Variants in CMIP observed in about 807,000 individuals in gnomAD.
The protein encoded by CMIP is C-Maf-inducing protein.
CMIP carries 13 observed loss-of-function variants against 97.3 expected under a neutral mutation model. The observed-to-expected ratio is 0.13, with a 90% CI of 0.09 to 0.21. The LOEUF (loss-of-function observed/expected upper bound fraction) is 0.21. CMIP is among the 10% of genes least tolerant of loss of function. The pLI is 1.00. For missense variants in CMIP, 847 were observed against 1,024.9 expected (o/e 0.83, Z 2.37); for synonymous variants, 538 against 436.3 (o/e 1.23, Z -2.91).
In CMIP at chr16:81,531,755, T is replaced by C. The variant is rs189785400; in HGVS notation, c.301-75812T>C. 1.2e-3 allele frequency among the ~76,000 whole-genome samples: 177 copies of C among 152,330 alleles called. 1 individual carries two copies. The highest frequency in any genetic ancestry group is 4.1e-3 in the African/African-American group (172 of 41,572). On this transcript the variant is annotated intron_variant, in intron 1 of 20. Coordinates refer to ENST00000537098, the MANE Select transcript of CMIP (RefSeq NM_198390.3). The stretch of plus-strand genomic sequence containing the variant: ...AGAGGTCAACCCGTGTGTCATGGCT[T>C]TTCCCAGACTGGCTGATTCAAACCA...
intron 1 of CMIP, among the ~76,000 whole-genome samples, chr16:81,455,288 G>T (rs11865203): frequency 0.31 from 46,684 of 152,090 alleles, 7,609 homozygotes; most frequent in East Asian, 0.39. Flanking sequence ...CTTGCCAGGG[G>T]CTATGCTATG....
intron 1 of CMIP, among the ~76,000 whole-genome samples, chr16:81,566,786 G>T (rs983883413): frequency 6.6e-6 from 1 of 152,184 alleles, no homozygotes; most frequent in South Asian, 2.1e-4. Context: ...TAAACCAATT[G>T]TGGCATAGTT....
intron 1 of CMIP, among the ~76,000 whole-genome samples, chr16:81,589,917 C>T (rs1008706731): frequency 1.3e-5 from 2 of 152,202 alleles, no homozygotes; most frequent in African/African-American, 2.4e-5. Context: ...GATAGGCCGG[C>T]GTCAGCCCTG....
chr16:81,622,439 G>A (rs1044589222), intron 3 of CMIP, among the ~76,000 whole-genome samples: 3 of 152,110 alleles, frequency 2.0e-5, no homozygotes, highest in Non-Finnish European at 2.9e-5. Flanking sequence ...CGGGACATTC[G>A]TCAGCACCTA....
At position 81,507,066 on chromosome 16, in the gene CMIP, C is replaced by T. The variant is rs2089723117; in HGVS notation, c.300+61525C>T. 2.0e-5 allele frequency among the ~76,000 whole-genome samples: 3 copies of T among 152,114 alleles called. No homozygotes were observed. The South Asian group carries it at 6.2e-4, about 32-fold the overall frequency. ...AGGAGATCGAGACCATCCTGGCTAA[C>T]ATGGTGAAACCTCATCTGTACTAAA... On this transcript the variant is annotated intron_variant, in intron 1 of 20. Coordinates refer to ENST00000537098, the MANE Select transcript of CMIP (RefSeq NM_198390.3).
chr16:81,569,423 C>G (rs1349078603), intron 1 of CMIP, among the ~76,000 whole-genome samples: 1 of 152,198 alleles, frequency 6.6e-6, no homozygotes, highest in Admixed American at 6.5e-5. Context: ...TTATTTTCCA[C>G]CACTGTTTGG....
At chr16:81,528,254 G>A (rs984440023) in intron 1 of CMIP, among the ~76,000 whole-genome samples, 7 of 152,074 alleles carry the variant, frequency 4.6e-5, no homozygotes, top group East Asian at 3.8e-4. Flanking sequence ...TGAAATTGGC[G>A]CTTGTCTGGT....
At chr16:81,532,301 G>T (rs909029990) in intron 1 of CMIP, among the ~76,000 whole-genome samples, 18 of 152,266 alleles carry the variant, frequency 1.2e-4, no homozygotes, top group Non-Finnish European at 2.6e-4. Context: ...GTAGAAGTGT[G>T]TGTGCACCTG....
At chr16:81,693,258 C>G (rs2288011) in intron 12 of CMIP, 74 bp downstream of exon 12, 574,502 of 1,449,750 alleles carry the variant, frequency 0.4, 117,451 homozygotes, top group African/African-American at 0.51. Flanking sequence ...CCTCCGTGGC[C>G]CATGCATTCT....
chr16:81,696,804 G>C, intron 14 of CMIP, 137 bp downstream of exon 14: 1 of 670,274 alleles, frequency 1.5e-6, no homozygotes, highest in Non-Finnish European at 2.4e-6. Context: ...TCATGAAGGT[G>C]GTGGTGGTGG....
intron 10 of CMIP, among the ~76,000 whole-genome samples, chr16:81,680,349 G>T (rs1191400636): frequency 6.6e-6 from 1 of 152,232 alleles, no homozygotes; most frequent in Non-Finnish European, 1.5e-5. Flanking sequence ...TGGAGAAATG[G>T]CTGGGAGGCA....
intron 1 of CMIP, among the ~76,000 whole-genome samples, chr16:81,540,410 C>T (rs1240408133): frequency 1.3e-5 from 2 of 152,198 alleles, no homozygotes; most frequent in Admixed American, 6.5e-5. Flanking sequence ...TCAAGTGATT[C>T]TCCTGCCTCA....
intron 1 of CMIP, among the ~76,000 whole-genome samples, chr16:81,537,944 C>T (rs1186331101): frequency 1.3e-5 from 2 of 152,080 alleles, no homozygotes; most frequent in South Asian, 2.1e-4. Context: ...GAGTCTTGGC[C>T]GTCAGGCCGA....
intron 10 of CMIP, among the ~76,000 whole-genome samples, chr16:81,690,033 T>C (rs1238086799): frequency 6.6e-6 from 1 of 152,218 alleles, no homozygotes; most frequent in Non-Finnish European, 1.5e-5. Context: ...TTGGTACCAG[T>C]ACCATGCTGT....
intron 1 of CMIP, among the ~76,000 whole-genome samples, chr16:81,544,263 G>A (rs1020701413): frequency 2.6e-5 from 4 of 152,210 alleles, no homozygotes; most frequent in East Asian, 1.9e-4. Flanking sequence ...GCAGAGGGGT[G>A]GCTTCAGCTC....
intron 1 of CMIP, among the ~76,000 whole-genome samples, chr16:81,600,992 G>A (rs958150697): frequency 2.0e-5 from 3 of 152,174 alleles, no homozygotes; most frequent in South Asian, 2.1e-4. Flanking sequence ...GTGGTGCCAC[G>A]TGGAACCCGA....
At chr16:81,693,063 T>C in intron 11 of CMIP, 95 bp from the exon 12 acceptor site, 1 of 861,352 alleles carries the variant, frequency 1.2e-6, no homozygotes, top group East Asian at 2.5e-5. Flanking sequence ...GAATCAGACA[T>C]AAAGTCTAGA....
At chr16:81,631,387 G>T (rs748223893) in intron 3 of CMIP, 2 of 152,260 alleles carry the variant, frequency 1.3e-5, no homozygotes, top group Non-Finnish European at 2.9e-5. Flanking sequence ...ACTTTGCCCA[G>T]CTGGAGCTAT....
chr16:81,639,219 G>A (rs1022837793), intron 3 of CMIP, among the ~76,000 whole-genome samples: 7 of 152,164 alleles, frequency 4.6e-5, no homozygotes, highest in South Asian at 2.1e-4. Context: ...TGTTAACCCC[G>A]GCTGCACCAC....
Sources: allele counts gnomAD v4.1 joint callset (sites outside exome capture counted in the v4.1 genomes callset), GRCh38; gene constraint gnomAD v4.1.1; transcripts MANE v1.5; gene names NCBI Gene and HGNC (gene_info 2026-07-23, HGNC 2026-07-21).